Variants in GJC1 observed in about 807,000 individuals in gnomAD.
GJC1 encodes the protein gap junction protein gamma 1, also known as gap junction gamma-1 protein.
Under a neutral mutation model 29.3 loss-of-function variants are expected in GJC1, and 5 were observed. The ratio of observed to expected loss-of-function variants is 0.17; its 90% CI spans 0.09 to 0.36. The LOEUF (loss-of-function observed/expected upper bound fraction) is 0.36. GJC1 is among the 10% of genes least tolerant of loss of function. GJC1 has a pLI of 1.00. For synonymous variants in GJC1, 177 were observed against 183.3 expected, an observed-to-expected ratio of 0.97 and a Z score of 0.28; for missense variants, 310 against 496.2, an observed-to-expected ratio of 0.62 and a Z score of 3.56.
At chr17:44,830,799 G>A, upstream of GJC1, 1 of 398,186 alleles carries the variant, frequency 2.5e-6, no homozygotes, top group Non-Finnish European at 4.4e-6. The surrounding 1 kb of genome is among the most constrained non-coding windows in gnomAD (Gnocchi z 4.3). Flanking sequence ...CTAGAGTCGG[G>A]GCTCTTAGCA....
intron 1 of GJC1, among the ~76,000 whole-genome samples, chr17:44,821,602 C>A (rs965572617): frequency 4.2e-5 from 6 of 143,378 alleles, no homozygotes; most frequent in African/African-American, 1.5e-4. Flanking sequence ...GAGGCTGATG[C>A]AGGAGAATCA....
In GJC1 at chr17:44,804,711, C is replaced by A; in HGVS notation, c.1107G>T (p.Lys369Asn). 1 of 1,614,212 alleles carries A rather than the reference C, an allele frequency of 6.2e-7. No homozygotes were observed. ...ACCCAGCTTTGGACCCCACTTTGGCCTTCTTCTCCCGGGGACCATGAGGGT... is the reference window on the plus strand; with the variant it reads ...ACCCAGCTTTGGACCCCACTTTGGCATTCTTCTCCCGGGGACCATGAGGGT... The part of the protein sequence containing the change: ...QNNPHGPREK[K>N]AKVGSKAGSN... Residue 369 changes from lysine (K) to asparagine (N), a missense_variant, in exon 3 of 3, where the codon AAG becomes AAT. Physicochemically the swap from Lys to Asn is moderately conservative, Grantham distance 94. This residue lies in a region of GJC1 where 146 missense variants were observed against 165.0 expected (regional missense o/e 0.88). Coordinates refer to ENST00000592524, the MANE Select transcript of GJC1 (RefSeq NM_005497.4).
At position 44,798,791 on chromosome 17, in the gene GJC1, A is replaced by G. The variant is rs911913853; in HGVS notation, c.*5836T>C. The G allele has an allele frequency of 2.0e-5, 3 of 152,192 alleles. No individual in the cohort carries two copies. Among genetic ancestry groups the G allele is most frequent in the African/African-American group, 7.2e-5 (3 of 41,444 alleles). The allele number at this position is 152,192 out of a possible 1,614,324, so 9.4% of individuals were successfully genotyped here. A position where few individuals can be genotyped will look rare whatever the true frequency, so the allele number is the denominator to read the frequency against. ...CTGTAAGAGATTTTTTTAAAACACA[A>G]TTGAGAGTATAATACAGAAAAACAT... On this transcript the variant is annotated 3_prime_UTR_variant, in exon 3 of 3. Coordinates refer to ENST00000592524, the MANE Select transcript of GJC1 (RefSeq NM_005497.4).
intron 1 of GJC1, among the ~76,000 whole-genome samples, chr17:44,815,186 TTTA>T (rs1567711616): frequency 6.6e-6 from 1 of 152,050 alleles, no homozygotes; most frequent in African/African-American, 2.4e-5. Flanking sequence ...GCACCAATTT[TTTA>T]TTATTTTTTT....
chr17:44,795,978 C>A (rs2049781061), downstream of GJC1, among the ~76,000 whole-genome samples: 1 of 152,348 alleles, frequency 6.6e-6, no homozygotes, highest in South Asian at 2.1e-4. Context: ...TGCTTTTCCC[C>A]TGGAGTCCGG....
At chr17:44,815,994 T>C (rs1228443073) in intron 1 of GJC1, among the ~76,000 whole-genome samples, 8 of 150,182 alleles carry the variant, frequency 5.3e-5, no homozygotes, top group Non-Finnish European at 1.0e-4. Context: ...GTGCCTGTAA[T>C]CCCAGCTACT....
intron 1 of GJC1, among the ~76,000 whole-genome samples, chr17:44,823,912 G>T (rs568921192): frequency 2.0e-5 from 3 of 150,236 alleles, no homozygotes; most frequent in African/African-American, 7.3e-5. Flanking sequence ...GGGGTTTCAC[G>T]GTGTTAGCCA....
At chr17:44,824,996 CCCAGG>C (rs1231845113) in intron 1 of GJC1, among the ~76,000 whole-genome samples, 5 of 149,232 alleles carry the variant, frequency 3.4e-5, no homozygotes, top group African/African-American at 1.2e-4. Context: ...ACTGCTTGAG[CCCAGG>C]AGTTCAAGAC....
intron 1 of GJC1, among the ~76,000 whole-genome samples, chr17:44,824,688 T>C (rs970878563): frequency 1.3e-5 from 2 of 151,556 alleles, no homozygotes; most frequent in Non-Finnish European, 2.9e-5. Context: ...CATGCGCCAG[T>C]AGTCCCAATT....
At chr17:44,798,216 T>C (rs1251492964), downstream of GJC1, among the ~76,000 whole-genome samples, 3 of 152,220 alleles carry the variant, frequency 2.0e-5, no homozygotes, top group Non-Finnish European at 4.4e-5. Context: ...AAAAAAGGCA[T>C]CTTTTAAGCC....
chr17:44,808,820 G>C (rs2049942326), intron 1 of GJC1, among the ~76,000 whole-genome samples: 1 of 152,198 alleles, frequency 6.6e-6, no homozygotes, highest in South Asian at 2.1e-4. Flanking sequence ...GCTCATGCCT[G>C]TAATTCCAGC....
At chr17:44,808,428 T>TAC (rs56999580) in intron 1 of GJC1, among the ~76,000 whole-genome samples, 13,653 of 147,466 alleles carry the variant, frequency 0.093, 618 homozygotes, top group South Asian at 0.14. Flanking sequence ...CCCTGTCTCT[T>TAC]ACACACACAC....
chr17:44,798,858 C>G lies in GJC1; in HGVS notation c.*5769G>C, dbSNP rs1394315498. 1 of 152,164 alleles carries G rather than the reference C, an allele frequency of 6.6e-6. No homozygotes were observed. The highest frequency in any genetic ancestry group is 1.5e-5 in the Non-Finnish European group (1 of 68,038). The allele number at this position is 152,164 out of a possible 1,614,324, so 9.4% of individuals were successfully genotyped here. Reference sequence around the variant, plus strand: ...TATAGCCTGGTTCAACAAGCCAACTCTGAAATGCAGAACTAGTACCTTTTT... The same window carrying G: ...TATAGCCTGGTTCAACAAGCCAACTGTGAAATGCAGAACTAGTACCTTTTT... On this transcript the variant is annotated 3_prime_UTR_variant, in exon 3 of 3. Transcript: ENST00000592524.
chr17:44,797,012 AATTTTTTGCTT>A (rs554277105), downstream of GJC1, among the ~76,000 whole-genome samples: 33 of 152,128 alleles, frequency 2.2e-4, no homozygotes, highest in African/African-American at 7.7e-4. Context: ...ATGCCTAGCT[AATTTTTTGCTT>A]ATTTTTTGTA....
chr17:44,794,328 A>C (rs1233464345), downstream of GJC1: 1 of 152,230 alleles, frequency 6.6e-6, no homozygotes, highest in Non-Finnish European at 1.5e-5. Flanking sequence ...CGATGGTTTG[A>C]ATGTGAAGTC....
intron 1 of GJC1, among the ~76,000 whole-genome samples, chr17:44,808,212 T>C (rs1020477946): frequency 5.9e-5 from 9 of 151,962 alleles, no homozygotes; most frequent in African/African-American, 2.2e-4. Context: ...CTTTGTGTTG[T>C]TGTTTAAAGA....
chr17:44,822,129 G>A (rs934644674), intron 1 of GJC1, among the ~76,000 whole-genome samples: 7 of 145,678 alleles, frequency 4.8e-5, no homozygotes, highest in South Asian at 4.4e-4. Flanking sequence ...CCTGGGAGGC[G>A]GAGCTTGCAG....
intron 1 of GJC1, among the ~76,000 whole-genome samples, chr17:44,825,392 A>AG (rs2050162574): frequency 6.6e-6 from 1 of 152,028 alleles, no homozygotes; most frequent in South Asian, 2.1e-4. Flanking sequence ...TGGGAGGCTG[A>AG]GGCAAGAGAA....
chr17:44,808,459 ACACG>A (rs1010171938), intron 1 of GJC1, among the ~76,000 whole-genome samples: 2 of 147,392 alleles, frequency 1.4e-5, no homozygotes, highest in African/African-American at 4.9e-5. Context: ...ACACACACAC[ACACG>A]GCCCAGCACA....
Sources: gnomAD v4.1 joint callset for allele counts (sites outside exome capture counted in the v4.1 genomes callset) on GRCh38, gnomAD v4.1.1 for gene constraint, gnomAD v4.1.1 regional missense constraint, Gnocchi (gnomAD v3.1) non-coding constraint, MANE v1.5 for transcripts, NCBI Gene and HGNC (gene_info 2026-07-23, HGNC 2026-07-21) for gene names.